RYR2: variants seen among roughly 807,000 people sequenced by gnomAD.
The protein encoded by RYR2 is ryanodine receptor 2, also known as cardiac muscle ryanodine receptor-calcium release channel.
A neutral mutation model predicts 601.1 loss-of-function variants in RYR2; 227 were observed. The ratio of observed to expected loss-of-function variants is 0.38; its 90% CI spans 0.34 to 0.42. RYR2 has a LOEUF of 0.42. RYR2 is among the 10% of genes least tolerant of loss of function. RYR2 has a pLI of 1.00. For missense variants in RYR2, 4,646 were observed against 6,156.5 expected (o/e 0.75, Z 8.21); for synonymous variants, 2,223 against 2,175.1 (o/e 1.02, Z -0.61).
At chr1:237,400,080 T>C (rs777690984) in intron 10 of RYR2, among the ~76,000 whole-genome samples, 10 of 151,220 alleles carry the variant, frequency 6.6e-5, no homozygotes, top group African/African-American at 1.9e-4. Flanking sequence ...ACAAGTAAAA[T>C]TGGAAAAATC....
Position 237,819,002 on chromosome 1 carries a change from C to T in RYR2, c.14434-34C>T. 3 of 1,576,354 alleles carry T rather than the reference C, an allele frequency of 1.9e-6. No individual in the cohort carries two copies. Among genetic ancestry groups the T allele is most frequent in the Non-Finnish European group, 2.6e-6 (3 of 1,155,088 alleles). On this transcript the variant is annotated intron_variant, in intron 100 of 104. Transcript: ENST00000366574. This position sits in a 1 kb window ranked among gnomAD's most constrained non-coding sequence, Gnocchi z 4.0. The stretch of plus-strand genomic sequence containing the variant: ...GTCGAGAAAAAAAAATGGGTAATGT[C>T]CCTCCAAGAAGTGATACCATGTCTT...
intron 66 of RYR2, among the ~76,000 whole-genome samples, chr1:237,702,822 A>G (rs1475188289): frequency 6.6e-6 from 1 of 152,106 alleles, no homozygotes; most frequent in Non-Finnish European, 1.5e-5. Flanking sequence ...CCTACCAAAT[A>G]TTAAAACCTA....
chr1:237,565,147 TTCTTTCTTTC>T lies in RYR2; in HGVS notation c.3215-1408_3215-1399del, dbSNP rs1231669372. Among the ~76,000 whole-genome samples the T allele has an allele frequency of 4.2e-3, 552 of 132,096 alleles. 43 individuals are homozygous for T. Among genetic ancestry groups the T allele is most frequent in the Non-Finnish European group, 7.2e-3 (428 of 59,800 alleles). The allele number at this position is 132,096 out of a possible 152,430, so 86.7% of individuals were successfully genotyped here. A position where few individuals can be genotyped will look rare whatever the true frequency, so the allele number is the denominator to read the frequency against. ...TCTTTCTTTCTTTCTTTCTTTTTCT[TTCTTTCTTTC>T]TCTTTCTTTCTTTCTTTCTTTCTTT... On this transcript the variant is annotated intron_variant, in intron 27 of 104. Coordinates refer to ENST00000366574, the MANE Select transcript of RYR2 (RefSeq NM_001035.3).
At chr1:237,113,915 C>T (rs1307768882) in intron 1 of RYR2, among the ~76,000 whole-genome samples, 1 of 152,192 alleles carries the variant, frequency 6.6e-6, no homozygotes, top group African/African-American at 2.4e-5. Context: ...GAACTCAGCA[C>T]GGACCCTGCT....
At chr1:237,680,816 A>G (rs1213766464) in intron 62 of RYR2, among the ~76,000 whole-genome samples, 1 of 152,146 alleles carries the variant, frequency 6.6e-6, no homozygotes, top group African/African-American at 2.4e-5. Flanking sequence ...AGGATAAAAT[A>G]TCACTCATTT....
intron 82 of RYR2, among the ~76,000 whole-genome samples, chr1:237,758,518 C>A (rs1349320014): frequency 6.6e-6 from 1 of 152,114 alleles, no homozygotes; most frequent in Non-Finnish European, 1.5e-5. Context: ...GTGTATCATA[C>A]CTACACTACG....
chr1:237,060,015 A>C (rs554426127), intron 1 of RYR2, among the ~76,000 whole-genome samples: 26 of 152,324 alleles, frequency 1.7e-4, no homozygotes, highest in Middle Eastern at 3.4e-3. Flanking sequence ...GAAGGTGCTG[A>C]GGCTAGAATC....
intron 98 of RYR2, among the ~76,000 whole-genome samples, chr1:237,802,702 T>C (rs1031541519): frequency 1.3e-5 from 2 of 152,362 alleles, no homozygotes; most frequent in South Asian, 2.1e-4. Flanking sequence ...GAGGGCAACC[T>C]CAGCTTTGGC....
chr1:237,784,321 G>A lies in RYR2; in HGVS notation c.12609G>A (p.Ala4203=), dbSNP rs372943408. 2.2e-5 allele frequency: 35 copies of A among 1,613,778 alleles called. No individual in the cohort carries two copies. The highest frequency in any genetic ancestry group is 3.3e-4 in the Middle Eastern group (2 of 6,084). Reference sequence around the variant, plus strand: ...ACACCATCTTTGAAATGCAGCTGGCGGCTCAGATCTCGGAGTCGGACTTGA... The same window carrying A: ...ACACCATCTTTGAAATGCAGCTGGCAGCTCAGATCTCGGAGTCGGACTTGA... ...CEDTIFEMQL[A]AQISESDLNE... Residue 4203 remains alanine (A), a synonymous_variant, in exon 90 of 105, where the codon GCG becomes GCA. Transcript: ENST00000366574. The surrounding 1 kb of genome is among the most constrained non-coding windows in gnomAD (Gnocchi z 7.1).
At chr1:237,805,656 CAG>C (rs1381022537) in intron 98 of RYR2, among the ~76,000 whole-genome samples, 1 of 144,440 alleles carries the variant, frequency 6.9e-6, no homozygotes, top group East Asian at 2.0e-4. Context: ...AGAGTGAAAT[CAG>C]AGTTACTTTT....
Position 237,707,063 on chromosome 1 carries a change from C to T in RYR2, c.9695C>T (p.Pro3232Leu). Reference sequence around the variant, plus strand: ...TCCGGCATTCGCTACACTCAAATGCCACATGTCATGGAAGTCATACTGCCC... The same window carrying T: ...TCCGGCATTCGCTACACTCAAATGCTACATGTCATGGAAGTCATACTGCCC... ...AESGIRYTQM[P>L]HVMEVILPML... The change falls in exon 68 of 105, where the codon CCA becomes CTA. Residue 3232 changes from proline to leucine, a missense_variant. Transcript: ENST00000366574. 1 of 1,613,816 alleles carries T rather than the reference C, an allele frequency of 6.2e-7. No individual in the cohort carries two copies.
chr1:237,470,774 A>C (rs1660629663), intron 17 of RYR2, among the ~76,000 whole-genome samples: 1 of 152,260 alleles, frequency 6.6e-6, no homozygotes, highest in African/African-American at 2.4e-5. Context: ...CACACACACA[A>C]GGAGTGAGTT....
intron 87 of RYR2, among the ~76,000 whole-genome samples, chr1:237,776,506 TC>T (rs1402565584): frequency 6.6e-6 from 1 of 152,160 alleles, no homozygotes; most frequent in Non-Finnish European, 1.5e-5. Context: ...CAGTAAAACT[TC>T]CGCTTACCCT....
At chr1:237,351,854 C>CAAAAAAAAAAAAAAAAAAAA (rs33955032) in intron 3 of RYR2, among the ~76,000 whole-genome samples, 1 of 40,926 alleles carries the variant, frequency 2.4e-5, no homozygotes, top group African/African-American at 8.7e-5. Flanking sequence ...AAAGACCATG[C>CAAAAAAAAAAAAAAAAAAAA]AAAAAAAAAA....
At chr1:237,068,566 T>G (rs1663932635) in intron 1 of RYR2, among the ~76,000 whole-genome samples, 1 of 152,184 alleles carries the variant, frequency 6.6e-6, no homozygotes, top group African/African-American at 2.4e-5. Flanking sequence ...TCTTAGGGGC[T>G]TTTAAAAAAC....
At chr1:237,112,136 T>G (rs1669550418) in intron 1 of RYR2, among the ~76,000 whole-genome samples, 1 of 152,134 alleles carries the variant, frequency 6.6e-6, no homozygotes, top group Non-Finnish European at 1.5e-5. Context: ...TTGTTTGAGA[T>G]GGAGTTTTGC....
chr1:237,276,918 T>G (rs61832459), intron 2 of RYR2, among the ~76,000 whole-genome samples: 22,722 of 152,202 alleles, frequency 0.15, 2,019 homozygotes, highest in Non-Finnish European at 0.2. Flanking sequence ...AGTTTCAAAT[T>G]TATTTTGTCA....
At chr1:237,806,093 T>G in intron 98 of RYR2, 44 bp from the exon 99 acceptor site, 1 of 1,580,216 alleles carries the variant, frequency 6.3e-7, no homozygotes, top group Non-Finnish European at 8.7e-7. Context: ...TAGTCATGCG[T>G]TCTGTTTTCT....
At chr1:237,222,098 T>G (rs1344937678) in intron 1 of RYR2, among the ~76,000 whole-genome samples, 1 of 152,134 alleles carries the variant, frequency 6.6e-6, no homozygotes, top group Non-Finnish European at 1.5e-5. Context: ...TTGTGTGATA[T>G]CTTCTCTTTC....
Sources: gnomAD v4.1 joint callset for allele counts (sites outside exome capture counted in the v4.1 genomes callset) on GRCh38, gnomAD v4.1.1 for gene constraint, Gnocchi (gnomAD v3.1) non-coding constraint, MANE v1.5 for transcripts, NCBI Gene and HGNC (gene_info 2026-07-23, HGNC 2026-07-21) for gene names.